The following RYR2 variants were observed in gnomAD, a reference collection of about 807,000 sequenced individuals.
RYR2 encodes ryanodine receptor 2.
RYR2 carries 227 observed loss-of-function variants against 601.1 expected under a neutral mutation model. The observed-to-expected ratio is 0.38, with a 90% CI of 0.34 to 0.42. The LOEUF (loss-of-function observed/expected upper bound fraction) is 0.42. Ranked by LOEUF, RYR2 falls within the 10% of genes least tolerant of loss-of-function variation. RYR2 has a pLI of 1.00. For missense variants in RYR2, 4,646 were observed against 6,156.5 expected (o/e 0.75, Z 8.21); for synonymous variants, 2,223 against 2,175.1 (o/e 1.02, Z -0.61).
intron 63 of RYR2, among the ~76,000 whole-genome samples, chr1:237,694,237 T>G (rs2148999044): frequency 6.9e-6 from 1 of 145,972 alleles, no homozygotes; most frequent in Admixed American, 7.1e-5. Context: ...GAGTTTGCAG[T>G]GAGCCGAGAT....
rs146152469 is a variant in RYR2 at position 237,049,958 on chromosome 1, T to C, written c.48+7389T>C. Among the ~76,000 whole-genome samples the C allele has an allele frequency of 2.6e-5, 4 of 152,278 alleles. No individual in the cohort carries two copies. In the East Asian group the frequency reaches 7.7e-4, roughly 29 times the overall value. On this transcript the variant is annotated intron_variant, in intron 1 of 104. Transcript: ENST00000366574. Reference sequence around the variant, plus strand: ...CCCATGTTTCTGGGGTTTCCCAGAATGTTACAGTCAGCCTCAAAGCCCATG... The same window carrying C: ...CCCATGTTTCTGGGGTTTCCCAGAACGTTACAGTCAGCCTCAAAGCCCATG...
At chr1:237,185,174 A>C (rs1279848896) in intron 1 of RYR2, among the ~76,000 whole-genome samples, 3 of 151,186 alleles carry the variant, frequency 2.0e-5, no homozygotes, top group Non-Finnish European at 2.9e-5. Context: ...CTAATTTTTT[A>C]TTTTTTGTAG....
intron 1 of RYR2, among the ~76,000 whole-genome samples, chr1:237,074,801 G>A (rs2148351110): frequency 6.6e-6 from 1 of 152,252 alleles, no homozygotes; most frequent in Admixed American, 6.5e-5. Flanking sequence ...ATGTTACGTT[G>A]GTGTGACTGG....
Position 237,354,476 on chromosome 1 carries a change from CA to C in RYR2, c.274-1484del, listed in dbSNP as rs1201974303. 4.0e-5 allele frequency among the ~76,000 whole-genome samples: 6 copies of C among 151,884 alleles called. No individual in the cohort carries two copies. The East Asian group carries it at 9.7e-4, about 24-fold the overall frequency. On this transcript the variant is annotated intron_variant, in intron 3 of 104. Coordinates refer to ENST00000366574, the MANE Select transcript of RYR2 (RefSeq NM_001035.3). Reference sequence around the variant, plus strand: ...CACTAAATATGCACTAAAATAGCACCAAAAATATGGCATATTCTATTTTCCT... The same window carrying C: ...CACTAAATATGCACTAAAATAGCACCAAAATATGGCATATTCTATTTTCCT...
intron 1 of RYR2, among the ~76,000 whole-genome samples, chr1:237,212,078 CTTT>C (rs34586128): frequency 6.7e-5 from 10 of 149,768 alleles, no homozygotes; most frequent in South Asian, 2.1e-4. Context: ...TTGTTTTTGA[CTTT>C]TTTTTTTTGC....
At chr1:237,601,101 G>C (rs1341414281) in intron 34 of RYR2, among the ~76,000 whole-genome samples, 1 of 152,136 alleles carries the variant, frequency 6.6e-6, no homozygotes, top group Non-Finnish European at 1.5e-5. Flanking sequence ...CCAAGGAAAG[G>C]AAATCAGTGT....
intron 1 of RYR2, among the ~76,000 whole-genome samples, chr1:237,260,013 G>T (rs1688365078): frequency 6.6e-6 from 1 of 152,076 alleles, no homozygotes; most frequent in South Asian, 2.1e-4. Flanking sequence ...ACTGTGTATT[G>T]GTTTTTAGTT....
intron 1 of RYR2, among the ~76,000 whole-genome samples, chr1:237,117,722 CTTCTCTTCTCTTCT>C (rs1349230822): frequency 6.8e-6 from 1 of 146,914 alleles, no homozygotes; most frequent in African/African-American, 2.6e-5. Context: ...CTTCTCTTCT[CTTCTCTTCTCTTCT>C]CTTCTCTTCT....
chr1:237,444,986 T>C (rs973999627), intron 13 of RYR2, among the ~76,000 whole-genome samples: 2 of 152,160 alleles, frequency 1.3e-5, no homozygotes, highest in African/African-American at 4.8e-5. Context: ...AGTCGTTCAA[T>C]GTAGATATGT....
At chr1:237,599,511 G>C (rs1270475710) in intron 34 of RYR2, among the ~76,000 whole-genome samples, 4 of 152,056 alleles carry the variant, frequency 2.6e-5, no homozygotes, top group Non-Finnish European at 5.9e-5. Flanking sequence ...TACAATCTCA[G>C]TTACAATAGC....
intron 21 of RYR2, 38 bp from the exon 22 acceptor site, chr1:237,503,251 C>A (rs745895346): frequency 3.3e-6 from 5 of 1,529,778 alleles, no homozygotes; most frequent in Non-Finnish European, 4.4e-6. Context: ...TTAATGTACA[C>A]CAGAGATAAA....
chr1:237,249,767 G>A (rs963769618), intron 1 of RYR2, among the ~76,000 whole-genome samples: 1 of 152,118 alleles, frequency 6.6e-6, no homozygotes, highest in Admixed American at 6.5e-5. Context: ...AGTTTTATTG[G>A]TTTTATTTTT....
chr1:237,325,939 A>T (rs1463196016), intron 2 of RYR2, among the ~76,000 whole-genome samples: 2 of 152,160 alleles, frequency 1.3e-5, no homozygotes, highest in African/African-American at 4.8e-5. Flanking sequence ...AGGCATCAGG[A>T]TGTGAAATGG....
At chr1:237,477,175 G>A (rs1020765336) in intron 17 of RYR2, among the ~76,000 whole-genome samples, 9 of 152,086 alleles carry the variant, frequency 5.9e-5, no homozygotes, top group African/African-American at 1.4e-4. Context: ...GGCGGATCAC[G>A]AGGTCAAGAG....
At chr1:237,285,855 T>C (rs1439916373) in intron 2 of RYR2, among the ~76,000 whole-genome samples, 1 of 152,186 alleles carries the variant, frequency 6.6e-6, no homozygotes, top group South Asian at 2.1e-4. Context: ...TGTATTTCAG[T>C]GGTGTCAGTT....
chr1:237,343,977 C>T (rs1368709254), intron 3 of RYR2, among the ~76,000 whole-genome samples: 7 of 152,168 alleles, frequency 4.6e-5, no homozygotes, highest in African/African-American at 7.2e-5. Flanking sequence ...CCCACCACCA[C>T]GCCTGGCTAA....
At chr1:237,334,397 G>T (rs1398469960) in intron 3 of RYR2, among the ~76,000 whole-genome samples, 1 of 150,232 alleles carries the variant, frequency 6.7e-6, no homozygotes, top group African/African-American at 2.4e-5. Context: ...TCATTCTGAA[G>T]GATTTCATCT....
chr1:237,198,053 G>A (rs1680759120), intron 1 of RYR2, among the ~76,000 whole-genome samples: 1 of 152,176 alleles, frequency 6.6e-6, no homozygotes, highest in Admixed American at 6.5e-5. Flanking sequence ...TGGGAAAGAC[G>A]GAAGAAGATT....
rs1172142044 is a variant in RYR2 at position 237,667,946 on chromosome 1, T to C, written c.8578T>C (p.Leu2860=). The C allele has an allele frequency of 1.3e-6, 2 of 1,574,012 alleles. No homozygotes were observed. Among genetic ancestry groups the C allele is most frequent in the Middle Eastern group, 1.7e-4 (1 of 5,982 alleles). ...NIWAKKKKME[L]ESKGGGNHPL... ...ATGGGCAAAGAAAAAGAAAATGGAGTTGGAGTCCAAAGGTAATATTTTCTA... is the reference window on the plus strand; with the variant it reads ...ATGGGCAAAGAAAAAGAAAATGGAGCTGGAGTCCAAAGGTAATATTTTCTA... Residue 2860 remains leucine (L), a synonymous_variant, in exon 58 of 105, where the codon TTG becomes CTG. Coordinates refer to ENST00000366574, the MANE Select transcript of RYR2 (RefSeq NM_001035.3).
Sources: allele counts gnomAD v4.1 joint callset (sites outside exome capture counted in the v4.1 genomes callset), GRCh38; gene constraint gnomAD v4.1.1; transcripts MANE v1.5; gene names NCBI Gene and HGNC (gene_info 2026-07-23, HGNC 2026-07-21).